Variants in MREG observed in about 807,000 individuals in gnomAD.
MREG encodes the protein dilute suppressor protein homolog.
A neutral mutation model predicts 28.5 loss-of-function variants in MREG; 31 were observed. The ratio of observed to expected loss-of-function variants is 1.09; its 90% CI spans 0.82 to 1.47. The LOEUF (loss-of-function observed/expected upper bound fraction) is 1.47, where lower values mean the gene tolerates loss of function less well. MREG is among the 40% of genes most tolerant of loss of function. The probability of loss-of-function intolerance (pLI) is 0.00; values close to 1 mark genes in which losing one functional copy is unlikely to be tolerated. For synonymous variants in MREG, 106 were observed against 95.2 expected (o/e 1.11, Z -0.66); for missense variants, 256 against 257.4 (o/e 0.99, Z 0.04).
intron 2 of MREG, 27 bp from the exon 3 acceptor site, chr2:215,947,140 A>T: frequency 6.7e-7 from 1 of 1,488,850 alleles, no homozygotes; most frequent in Middle Eastern, 1.7e-4. Context: ...GTTTAGTTTT[A>T]TTTATACCCC....
chr2:215,975,538 C>G (rs1366229079), intron 2 of MREG, among the ~76,000 whole-genome samples: 1 of 152,152 alleles, frequency 6.6e-6, no homozygotes, highest in Non-Finnish European at 1.5e-5. Flanking sequence ...GTTTTGATCA[C>G]AAGGAATACC....
intron 2 of MREG, among the ~76,000 whole-genome samples, chr2:215,952,912 C>T (rs1468364104): frequency 6.6e-6 from 1 of 152,138 alleles, no homozygotes; most frequent in East Asian, 1.9e-4. Context: ...TCCTTGTACT[C>T]CCTCTATGAA....
At chr2:216,009,126 T>C (rs1203677841) in intron 1 of MREG, among the ~76,000 whole-genome samples, 1 of 152,176 alleles carries the variant, frequency 6.6e-6, no homozygotes, top group African/African-American at 2.4e-5. Flanking sequence ...CAGGATTAGA[T>C]CCCTGTCAAC....
intron 2 of MREG, among the ~76,000 whole-genome samples, chr2:215,954,451 CA>C (rs1248467307): frequency 7.2e-4 from 107 of 147,796 alleles, no homozygotes; most frequent in South Asian, 2.3e-4. Context: ...GTACAACACA[CA>C]CACACACACA....
chr2:215,975,813 C>A (rs1372040301), intron 2 of MREG, among the ~76,000 whole-genome samples: 1 of 152,280 alleles, frequency 6.6e-6, no homozygotes, highest in East Asian at 1.9e-4. Context: ...GGGCCGGGCG[C>A]CGTGGCTCAC....
chr2:216,002,065 T>C (rs1694027805), intron 1 of MREG, among the ~76,000 whole-genome samples: 2 of 152,150 alleles, frequency 1.3e-5, no homozygotes, highest in Non-Finnish European at 2.9e-5. Flanking sequence ...TAAAAGGCTC[T>C]AAAGAAAGTG....
intron 2 of MREG, among the ~76,000 whole-genome samples, chr2:215,972,600 A>AG (rs112721099): frequency 2.1e-5 from 3 of 142,830 alleles, no homozygotes; most frequent in African/African-American, 8.0e-5. Context: ...TAGCCAATAG[A>AG]GTGAGACTCT....
In MREG at chr2:215,983,344, GT is replaced by G. The variant is rs1321585908; in HGVS notation, c.255+12961del. 3.3e-5 allele frequency among the ~76,000 whole-genome samples: 5 copies of G among 152,226 alleles called. No homozygotes were observed. The East Asian group carries it at 9.6e-4, about 29-fold the overall frequency. On this transcript the variant is annotated intron_variant, in intron 2 of 4. Transcript: ENST00000263268. ...CAGTTTCTGAGTGCTTAAGCATTAT[GT>G]GGCTGGTCCACGATCAGTTCAACCC...
chr2:215,979,022 A>T (rs59062140), intron 2 of MREG, among the ~76,000 whole-genome samples: 1 of 152,234 alleles, frequency 6.6e-6, no homozygotes, highest in African/African-American at 2.4e-5. Context: ...CTTCTGTTAA[A>T]GCATGCCCTG....
chr2:215,977,661 A>G (rs987246400), intron 2 of MREG, among the ~76,000 whole-genome samples: 2 of 152,238 alleles, frequency 1.3e-5, no homozygotes, highest in Non-Finnish European at 2.9e-5. Context: ...GTGAAAGAAC[A>G]GAAATTATAA....
chr2:215,946,698 A>G (rs971416973), intron 3 of MREG, among the ~76,000 whole-genome samples: 2 of 152,190 alleles, frequency 1.3e-5, no homozygotes, highest in African/African-American at 4.8e-5. Context: ...TAATTGGCCA[A>G]CACCCCATCT....
chr2:216,026,225 A>C (rs1694592206), intron 1 of MREG, among the ~76,000 whole-genome samples: 2 of 152,252 alleles, frequency 1.3e-5, no homozygotes, highest in Non-Finnish European at 2.9e-5. Context: ...CAACTGCTTA[A>C]TGTATATAAA....
At chr2:215,979,880 G>A (rs561534308) in intron 2 of MREG, among the ~76,000 whole-genome samples, 16 of 150,748 alleles carry the variant, frequency 1.1e-4, no homozygotes, top group African/African-American at 3.2e-4. Context: ...ATATGTCATC[G>A]ACTGTGATTT....
rs1361344738 is a variant in MREG at position 215,944,705 on chromosome 2, G to T, written c.*158C>A. On this transcript the variant is annotated 3_prime_UTR_variant, in exon 5 of 5. Coordinates refer to ENST00000263268, the MANE Select transcript of MREG (RefSeq NM_018000.3). ...GCAGCCTGCACAATTCATGGGGCAG[G>T]GTCCTCAGATTAAAGACTTTACATT... 4.5e-6 allele frequency: 3 copies of T among 662,820 alleles called. No homozygotes were observed. Among genetic ancestry groups the T allele is most frequent in the Non-Finnish European group, 6.9e-6 (3 of 434,604 alleles). The allele number at this position is 662,820 out of a possible 1,614,324, so 41.1% of individuals were successfully genotyped here. A position where few individuals can be genotyped will look rare whatever the true frequency, so the allele number is the denominator to read the frequency against.
upstream of MREG, among the ~76,000 whole-genome samples, chr2:216,014,825 C>T (rs771884855): frequency 1.7e-4 from 26 of 152,100 alleles, no homozygotes; most frequent in Non-Finnish European, 3.5e-4. Context: ...TATCTACTTC[C>T]CTATACCCTC....
At chr2:216,011,878 T>C (rs1694320796) in intron 1 of MREG, among the ~76,000 whole-genome samples, 1 of 152,234 alleles carries the variant, frequency 6.6e-6, no homozygotes, top group African/African-American at 2.4e-5. Context: ...CATAAAATTC[T>C]AGATTGCAGT....
chr2:216,005,744 A>G (rs1311065866), intron 1 of MREG, among the ~76,000 whole-genome samples: 4 of 151,122 alleles, frequency 2.6e-5, no homozygotes, highest in African/African-American at 9.7e-5. Context: ...TGAGCCAACC[A>G]TGCCCAGCCT....
At chr2:215,970,948 A>C (rs1471070633) in intron 2 of MREG, among the ~76,000 whole-genome samples, 1 of 152,206 alleles carries the variant, frequency 6.6e-6, no homozygotes, top group East Asian at 1.9e-4. Flanking sequence ...AATACTATGC[A>C]GCCATAAAAA....
At chr2:215,995,511 C>CCCCGCCG (rs1553553519) in intron 2 of MREG, among the ~76,000 whole-genome samples, 1 of 136,124 alleles carries the variant, frequency 7.3e-6, no homozygotes, top group East Asian at 2.1e-4. Flanking sequence ...CCCACCCCAC[C>CCCCGCCG]CCCCGCCACC....
Sources: allele counts gnomAD v4.1 joint callset (sites outside exome capture counted in the v4.1 genomes callset), GRCh38; gene constraint gnomAD v4.1.1; transcripts MANE v1.5; gene names NCBI Gene and HGNC (gene_info 2026-07-23, HGNC 2026-07-21).